Variants in ABHD17A observed in about 807,000 individuals in gnomAD.
The protein encoded by ABHD17A is alpha/beta hydrolase domain-containing protein 17A.
ABHD17A carries 10 observed loss-of-function variants against 26.8 expected under a neutral mutation model. The ratio of observed to expected loss-of-function variants is 0.37; its 90% CI spans 0.23 to 0.63. ABHD17A has a LOEUF of 0.63. ABHD17A is among the 30% of genes least tolerant of loss of function. The probability of loss-of-function intolerance (pLI) is 0.61; values close to 1 mark genes in which losing one functional copy is unlikely to be tolerated. For synonymous variants in ABHD17A, 167 were observed against 210.9 expected (o/e 0.79, Z 1.80); for missense variants, 292 against 457.3 (o/e 0.64, Z 3.30).
At chr19:1,881,840 G>T in intron 1 of ABHD17A, 36 bp from the exon 2 acceptor site, 1 of 413,852 alleles carries the variant, frequency 2.4e-6, no homozygotes, top group Non-Finnish European at 4.2e-6. Context: ...GTCCTTTGGG[G>T]GTGCCACAGT....
Position 1,881,488 on chromosome 19 carries a change from C to T in ABHD17A, c.79G>A (p.Ala27Thr). 6.2e-7 allele frequency: 1 copy of T among 1,604,454 alleles called. No homozygotes were observed. The highest frequency in any genetic ancestry group is 8.5e-7 in the Non-Finnish European group (1 of 1,178,848). ...TAGGTGGCCTCCGGCGGCAGGAAGG[C>T]GAGCTTGGCAGCGATGCGGCCGGGG... is the stretch of plus-strand genomic sequence containing the variant. Reference protein sequence around the residue: ...PCPGRIAAKLAFLPPEATYSL... With the variant: ...PCPGRIAAKLTFLPPEATYSL... Residue 27 changes from alanine to threonine, a missense_variant, in exon 2 of 5, where the codon GCC becomes ACC. Ala to Thr is a moderately conservative substitution (Grantham distance 58). This residue lies in a region of ABHD17A where 171 missense variants were observed against 216.1 expected (regional missense o/e 0.79). Transcript: ENST00000292577.
Position 1,881,342 on chromosome 19 carries a change from G to T in ABHD17A, c.225C>A (p.Asp75Glu), listed in dbSNP as rs2012521690. ...RWKLHLTERA[D>E]FQYSQRELDT... ...CCAGCTCGCGCTGGCTGTACTGGAAGTCGGCACGCTCCGTCAGGTGCAGCT... is the reference window on the plus strand; with the variant it reads ...CCAGCTCGCGCTGGCTGTACTGGAATTCGGCACGCTCCGTCAGGTGCAGCT... Residue 75 changes from aspartate to glutamate, a missense_variant, in exon 2 of 5, where the codon GAC becomes GAA. Around this residue, in one of 4 missense-constraint regions of ABHD17A, gnomAD observed 171 missense variants for 216.1 expected, o/e 0.79. Transcript: ENST00000292577. 3.7e-6 allele frequency: 6 copies of T among 1,610,160 alleles called. No homozygotes were observed. The highest frequency in any genetic ancestry group is 5.1e-6 in the Non-Finnish European group (6 of 1,179,646).
chr19:1,879,956 G>A lies in ABHD17A; in HGVS notation c.492C>T (p.Ala164=), dbSNP rs200182634. The A allele has an allele frequency of 3.9e-5, 63 of 1,612,906 alleles. No individual in the cohort carries two copies. The highest frequency in any genetic ancestry group is 3.3e-4 in the East Asian group (15 of 44,882). Residue 164 remains alanine, a synonymous_variant, in exon 3 of 5, where the codon GCC becomes GCT. Transcript: ENST00000292577. This position sits in a 1 kb window ranked among gnomAD's most constrained non-coding sequence, Gnocchi z 7.6. ...GGGCCTGCCAGGCGGCGTCGATGTCGGCATAGAGGTTCCTCTCGGAAGGCC... is the reference window on the plus strand; with the variant it reads ...GGGCCTGCCAGGCGGCGTCGATGTCAGCATAGAGGTTCCTCTCGGAAGGCC... The part of the protein sequence containing the change: ...SGRPSERNLY[A]DIDAAWQALR...
chr19:1,878,906 TGCAGGACAAAGTGGCA>T (rs2012445671), intron 3 of ABHD17A: 1 of 152,276 alleles, frequency 6.6e-6, no homozygotes, highest in African/African-American at 2.4e-5. Flanking sequence ...CCTAGGTTCC[TGCAGGACAAAGTGGCA>T]GCAGGACAGA....
intron 1 of ABHD17A, among the ~76,000 whole-genome samples, chr19:1,884,041 T>C (rs1240738814): frequency 2.0e-5 from 3 of 152,136 alleles, no homozygotes; most frequent in Admixed American, 6.6e-5. Context: ...TAGACAGCCT[T>C]GCCCAACCCA....
chr19:1,883,589 C>T (rs143902461), intron 1 of ABHD17A: 3 of 152,426 alleles, frequency 2.0e-5, no homozygotes, highest in Non-Finnish European at 2.9e-5. Context: ...ACTATCCAGG[C>T]CAGAAACAAA....
rs2012369961 is a variant in ABHD17A at position 1,876,860 on chromosome 19, T to G, written c.*340A>C. 1.2e-5 allele frequency: 4 copies of G among 338,672 alleles called. No homozygotes were observed. The highest frequency in any genetic ancestry group is 2.2e-5 in the Non-Finnish European group (4 of 182,218). 21.0% of individuals were successfully genotyped at this position (338,672 alleles called of 1,614,324 possible). On this transcript the variant is annotated 3_prime_UTR_variant, in exon 5 of 5. Transcript: ENST00000292577. Reference sequence around the variant, plus strand: ...CCGCAGAGTAAAACCTATAAGGGGGTCCGTGCCGATCTCTCCTAGGGACTC... The same window carrying G: ...CCGCAGAGTAAAACCTATAAGGGGGGCCGTGCCGATCTCTCCTAGGGACTC...
chr19:1,881,557 G>A lies in ABHD17A; in HGVS notation c.10C>T (p.Leu4=). 1 of 1,598,742 alleles carries A rather than the reference G, an allele frequency of 6.3e-7. No homozygotes were observed. The highest frequency in any genetic ancestry group is 8.5e-7 in the Non-Finnish European group (1 of 1,177,004). Residue 4 remains leucine (L), a synonymous_variant, in exon 2 of 5, where the codon CTG becomes TTG. Coordinates refer to ENST00000292577, the MANE Select transcript of ABHD17A (RefSeq NM_001130111.2). ...AGGCAGCAGAGCTCACTCAGCGACA[G>A]CCCATTCATGGCGGGCGCCGCCCAG... MNG[L]SLSELCCLFC...
intron 3 of ABHD17A, chr19:1,877,922 G>T: frequency 1.9e-6 from 1 of 538,964 alleles, no homozygotes; most frequent in Non-Finnish European, 3.3e-6. Flanking sequence ...GTTCACTGGC[G>T]TTTCCTAGCT....
chr19:1,878,279 G>C (rs946320075), intron 3 of ABHD17A: 2 of 153,098 alleles, frequency 1.3e-5, no homozygotes, highest in Admixed American at 6.5e-5. Context: ...TGGCTGCGGA[G>C]GTGGCACCCC....
intron 2 of ABHD17A, chr19:1,881,027 T>G: frequency 6.2e-7 from 1 of 1,610,042 alleles, no homozygotes; most frequent in African/African-American, 1.3e-5. Flanking sequence ...GGGGATGGCC[T>G]CCCTGAGCCT....
Position 1,880,611 on chromosome 19 carries a change from G to T in ABHD17A, c.333-496C>A, listed in dbSNP as rs1487838811. Among the ~76,000 whole-genome samples the T allele has an allele frequency of 2.0e-5, 3 of 152,178 alleles. No individual in the cohort carries two copies. The highest frequency in any genetic ancestry group is 7.2e-5 in the African/African-American group (3 of 41,436). ...CACCTCACAGAATGGTGCCCTCACT[G>T]TTGGGGCACAACTGGACCCCACCCC... On this transcript the variant is annotated intron_variant, in intron 2 of 4. Coordinates refer to ENST00000292577, the MANE Select transcript of ABHD17A (RefSeq NM_001130111.2). The surrounding 1 kb of genome is among the most constrained non-coding windows in gnomAD (Gnocchi z 4.1).
chr19:1,881,053 G>A (rs371352060), intron 2 of ABHD17A, 182 bp downstream of exon 2: 117 of 1,603,086 alleles, frequency 7.3e-5, no homozygotes, highest in Middle Eastern at 5.0e-4. Flanking sequence ...CCTTGTCTGC[G>A]AGAGAAAATT....
At chr19:1,881,146 G>A (rs1195636366) in intron 2 of ABHD17A, 89 bp downstream of exon 2, 16 of 1,571,510 alleles carry the variant, frequency 1.0e-5, no homozygotes, top group South Asian at 8.2e-5. Context: ...GGCCCTCGGG[G>A]GCACCACCAA....
intron 1 of ABHD17A, chr19:1,883,600 G>T (rs2012599677): frequency 6.6e-6 from 1 of 152,276 alleles, no homozygotes; most frequent in South Asian, 2.1e-4. Flanking sequence ...CAGAAACAAA[G>T]ATGTTATCCT....
chr19:1,881,245 G>A lies in ABHD17A; in HGVS notation c.322C>T (p.Pro108Ser). The A allele has an allele frequency of 6.2e-7, 1 of 1,611,066 alleles. No homozygotes were observed. Among genetic ancestry groups the A allele is most frequent in the Non-Finnish European group, 8.5e-7 (1 of 1,179,734 alleles). ...RVSCMYVRCV[P>S]GARYTVLFSH... The stretch of plus-strand genomic sequence containing the variant: ...GCCACAGCTGCTCACCTGGCACCAG[G>A]CACGCAGCGAACATACATGCAGGAG... The change falls in exon 2 of 5, where the codon CCT becomes TCT. Residue 108 changes from proline (P) to serine (S), a missense_variant. Around this residue, in one of 4 missense-constraint regions of ABHD17A, gnomAD observed 171 missense variants for 216.1 expected, o/e 0.79. Coordinates refer to ENST00000292577, the MANE Select transcript of ABHD17A (RefSeq NM_001130111.2).
chr19:1,881,606 G>C lies in ABHD17A; in HGVS notation c.-40C>G, dbSNP rs776186341. The C allele has an allele frequency of 6.7e-7, 1 of 1,491,146 alleles. No individual in the cohort carries two copies. The highest frequency in any genetic ancestry group is 1.4e-5 in the African/African-American group (1 of 69,236). 92.4% of individuals were successfully genotyped at this position (1,491,146 alleles called of 1,614,324 possible). A position where few individuals can be genotyped will look rare whatever the true frequency, so the allele number is the denominator to read the frequency against. On this transcript the variant is annotated 5_prime_UTR_variant, in exon 2 of 5. Transcript: ENST00000292577. The stretch of plus-strand genomic sequence containing the variant: ...AGGCCGGGCCTCCACCGGGGCCCCC[G>C]CCAACAACGCCGCCCGGCCTGGCCC...
In ABHD17A at chr19:1,884,016, C is replaced by G. The variant is rs539160755; in HGVS notation, c.-239+1336G>C. Among the ~76,000 whole-genome samples, 26 of 152,258 alleles carry G rather than the reference C, an allele frequency of 1.7e-4. No homozygotes were observed. The South Asian group carries it at 5.4e-3, about 32-fold the overall frequency. On this transcript the variant is annotated intron_variant, in intron 1 of 4. Coordinates refer to ENST00000292577, the MANE Select transcript of ABHD17A (RefSeq NM_001130111.2). ...CCTCTGCTCCTCTGCCAGGAACTCC[C>G]TTCCCCAACCTCACTAGACAGCCTT...
At chr19:1,884,606 G>C (rs1023016690) in intron 1 of ABHD17A, among the ~76,000 whole-genome samples, 1 of 152,118 alleles carries the variant, frequency 6.6e-6, no homozygotes, top group African/African-American at 2.4e-5. Flanking sequence ...CCCGCCTGGG[G>C]GGAGGCGCGG....
Sources: allele counts gnomAD v4.1 joint callset (sites outside exome capture counted in the v4.1 genomes callset), GRCh38; gene constraint gnomAD v4.1.1; regional missense constraint gnomAD v4.1.1; non-coding constraint Gnocchi (gnomAD v3.1); transcripts MANE v1.5; gene names NCBI Gene and HGNC (gene_info 2026-07-23, HGNC 2026-07-21).